UBE2O: variants seen among roughly 807,000 people sequenced by gnomAD.
The protein encoded by UBE2O is ubiquitin conjugating enzyme E2 O.
UBE2O carries 15 observed loss-of-function variants against 125.8 expected under a neutral mutation model. The observed-to-expected ratio is 0.12, with a 90% CI of 0.08 to 0.18. UBE2O has a LOEUF of 0.18. Among genes scored for constraint, UBE2O ranks in the 10% least tolerant of loss-of-function variants. The pLI is 1.00. For missense variants in UBE2O, 1,280 were observed against 1,723.6 expected, an observed-to-expected ratio of 0.74 and a Z score of 4.56; for synonymous variants, 708 against 703.2, an observed-to-expected ratio of 1.01 and a Z score of -0.11.
chr17:76,394,413 A>AG (rs923985221), intron 15 of UBE2O, among the ~76,000 whole-genome samples: 7 of 152,208 alleles, frequency 4.6e-5, no homozygotes, highest in African/African-American at 1.7e-4. Flanking sequence ...CAGAGACACT[A>AG]GGCCCCGTCC....
In UBE2O at chr17:76,396,288, G is replaced by A. The variant is rs148709308; in HGVS notation, c.2649C>T (p.Pro883=). 1,022 of 1,614,162 alleles carry A rather than the reference G, an allele frequency of 6.3e-4. No individual in the cohort carries two copies. Among genetic ancestry groups the A allele is most frequent in the Non-Finnish European group, 7.7e-4 (909 of 1,180,018 alleles). Residue 883 remains proline, a synonymous_variant, in exon 14 of 18, where the codon CCC becomes CCT. Transcript: ENST00000319380. This position sits in a 1 kb window ranked among gnomAD's most constrained non-coding sequence, Gnocchi z 6.7. The part of the protein sequence containing the change: ...IVEEEKMEAV[P]DVERKEDKPE... ...GCTTGTCCTCCTTGCGCTCTACGTCGGGCACTGCTTCCATCTTCTCCTCCT... is the reference window on the plus strand; with the variant it reads ...GCTTGTCCTCCTTGCGCTCTACGTCAGGCACTGCTTCCATCTTCTCCTCCT...
chr17:76,450,618 G>GTT (rs113426621), intron 1 of UBE2O, among the ~76,000 whole-genome samples: 8 of 148,448 alleles, frequency 5.4e-5, no homozygotes, highest in African/African-American at 1.7e-4. Flanking sequence ...CAAAGTTGTT[G>GTT]TTTTTTTTTT....
intron 1 of UBE2O, among the ~76,000 whole-genome samples, chr17:76,406,920 G>A (rs146323950): frequency 4.6e-5 from 7 of 152,058 alleles, no homozygotes; most frequent in African/African-American, 1.2e-4. Context: ...GGCTGGTCTC[G>A]AACTCCTGAC....
At chr17:76,420,660 T>C (rs1192396245) in intron 1 of UBE2O, among the ~76,000 whole-genome samples, 2 of 152,168 alleles carry the variant, frequency 1.3e-5, no homozygotes, top group African/African-American at 2.4e-5. Context: ...CTGCAGACAT[T>C]TCTTTTTCAC....
chr17:76,398,682 C>G lies in UBE2O; in HGVS notation c.1784-98G>C. On this transcript the variant is annotated intron_variant, in intron 10 of 17. Coordinates refer to ENST00000319380, the MANE Select transcript of UBE2O (RefSeq NM_022066.4). This position sits in a 1 kb window ranked among gnomAD's most constrained non-coding sequence, Gnocchi z 5.4. ...AGAGTGCAGAACCCTGACCTTCCCC[C>G]GTCTTGGAAGTGGTGAGACCCCTTC... 1 of 1,474,580 alleles carries G rather than the reference C, an allele frequency of 6.8e-7. No homozygotes were observed. 91.3% of individuals were successfully genotyped at this position (1,474,580 alleles called of 1,614,324 possible).
At chr17:76,392,403 C>A (rs1374592750) in intron 15 of UBE2O, among the ~76,000 whole-genome samples, 1 of 151,970 alleles carries the variant, frequency 6.6e-6, no homozygotes, top group African/African-American at 2.4e-5. Context: ...GTAGCCGGGA[C>A]TACAGTGTGG....
intron 1 of UBE2O, among the ~76,000 whole-genome samples, chr17:76,406,760 C>T (rs1242785838): frequency 1.6e-5 from 2 of 124,142 alleles, no homozygotes; most frequent in African/African-American, 3.2e-5. Flanking sequence ...AGTGCAATGG[C>T]GCAGTCTCGG....
chr17:76,398,529 G>C lies in UBE2O; in HGVS notation c.1839C>G (p.Ile613Met). ...ACCACTTCACCATGCAGGTACGGCCGATGTGGTCCCCAGACTGTACCACAC... is the reference window on the plus strand; with the variant it reads ...ACCACTTCACCATGCAGGTACGGCCCATGTGGTCCCCAGACTGTACCACAC... ...VYGVVQSGDH[I>M]GRTCMVKWFK... is the part of the protein sequence containing the mutation. The change falls in exon 11 of 18, where the codon ATC becomes ATG. Residue 613 changes from isoleucine (I) to methionine (M), a missense_variant. Physicochemically the swap from Ile to Met is conservative, Grantham distance 10. Transcript: ENST00000319380. The surrounding 1 kb of genome is among the most constrained non-coding windows in gnomAD (Gnocchi z 5.4). 3.1e-6 allele frequency: 5 copies of C among 1,614,046 alleles called. No homozygotes were observed. The highest frequency in any genetic ancestry group is 4.2e-6 in the Non-Finnish European group (5 of 1,180,010).
At position 76,446,488 on chromosome 17, in the gene UBE2O, CAG is replaced by C. The variant is rs1156580898; in HGVS notation, c.417+6235_417+6236del. ...AAAAAAAAAAACCAAACAAACAAAA[CAG>C]AGAGAAACAGGGATAAAAGTGAAGT... On this transcript the variant is annotated intron_variant, in intron 1 of 17. Coordinates refer to ENST00000319380, the MANE Select transcript of UBE2O (RefSeq NM_022066.4). 7.3e-5 allele frequency among the ~76,000 whole-genome samples: 11 copies of C among 151,620 alleles called. No homozygotes were observed. In the East Asian group the frequency reaches 1.4e-3, roughly 19 times the overall value.
Position 76,400,556 on chromosome 17 carries a change from G to T in UBE2O, c.895-6C>A, listed in dbSNP as rs777128823. The T allele has an allele frequency of 4.4e-6, 7 of 1,597,474 alleles. No individual in the cohort carries two copies. The highest frequency in any genetic ancestry group is 2.6e-6 in the Non-Finnish European group (3 of 1,168,052). ...TTCAACTCTACAACCTGCACCTGGG[G>T]ATGGCAGGTGGGACACGCCAGTCAG... On this transcript the variant is annotated splice_region_variant and splice_polypyrimidine_tract_variant and intron_variant, in intron 6 of 17. Transcript: ENST00000319380. The surrounding 1 kb of genome is among the most constrained non-coding windows in gnomAD (Gnocchi z 4.3).
intron 1 of UBE2O, among the ~76,000 whole-genome samples, chr17:76,406,365 C>A (rs2072418577): frequency 6.6e-6 from 1 of 152,140 alleles, no homozygotes; most frequent in Admixed American, 6.5e-5. Flanking sequence ...GGGTCATAAT[C>A]ATGGATGGGT....
Position 76,398,889 on chromosome 17 carries a change from G to T in UBE2O, c.1731C>A (p.His577Gln), listed in dbSNP as rs2072264425. The change falls in exon 10 of 18, where the codon CAC becomes CAA. Residue 577 changes from histidine (H) to glutamine (Q), a missense_variant. By Grantham distance (24) the His-to-Gln change is conservative (BLOSUM62 0). Coordinates refer to ENST00000319380, the MANE Select transcript of UBE2O (RefSeq NM_022066.4). This position sits in a 1 kb window ranked among gnomAD's most constrained non-coding sequence, Gnocchi z 5.4. ...GGCAGAACTCGTTGTTGTCCAGGTG[G>T]TGCACAGGGAAGAGGTCGTTGGAGC... ...NIRSNDLFPV[H>Q]HLDNNEFCPG... is the part of the protein sequence containing the mutation. 5 of 1,614,188 alleles carry T rather than the reference G, an allele frequency of 3.1e-6. No homozygotes were observed. The highest frequency in any genetic ancestry group is 2.5e-6 in the Non-Finnish European group (3 of 1,180,032).
In UBE2O at chr17:76,399,819, C is replaced by T. The variant is rs760866715; in HGVS notation, c.1258G>A (p.Glu420Lys). ...HSMEDPDKKG[E>K]SKTKSEAESA... ...TCCGCTTCGCTCTTGGTTTTGGATT[C>T]CCCCTTCTTGTCTGGGTCTTCCATG... The change falls in exon 9 of 18, where the codon GAA (glutamate) becomes AAA (lysine). Residue 420 changes from glutamate to lysine, a missense_variant. Transcript: ENST00000319380. The surrounding 1 kb of genome is among the most constrained non-coding windows in gnomAD (Gnocchi z 6.9). 13 of 1,614,210 alleles carry T rather than the reference C, an allele frequency of 8.1e-6. No homozygotes were observed. In the South Asian group the frequency reaches 1.3e-4, roughly 16 times the overall value.
In UBE2O at chr17:76,402,204, A is replaced by G. The variant is rs192135883; in HGVS notation, c.687-77T>C. 170 of 1,270,990 alleles carry G rather than the reference A, an allele frequency of 1.3e-4. No homozygotes were observed. In the African/African-American group the frequency reaches 1.7e-3, roughly 13 times the overall value. The allele number at this position is 1,270,990 out of a possible 1,614,324, so 78.7% of individuals were successfully genotyped here. A position where few individuals can be genotyped will look rare whatever the true frequency, so the allele number is the denominator to read the frequency against. On this transcript the variant is annotated intron_variant, in intron 4 of 17. Coordinates refer to ENST00000319380, the MANE Select transcript of UBE2O (RefSeq NM_022066.4). The surrounding 1 kb of genome is among the most constrained non-coding windows in gnomAD (Gnocchi z 5.4). The stretch of plus-strand genomic sequence containing the variant: ...AAAAAGTTGCGATTCTGAGATGCCA[A>G]TGCGCCCACATGCCCTAAATAGCAC...
In UBE2O at chr17:76,399,760, A is replaced by C; in HGVS notation, c.1317T>G (p.Ser439=). The change falls in exon 9 of 18, where the codon TCT becomes TCG. Residue 439 remains serine, a synonymous_variant. Transcript: ENST00000319380. The surrounding 1 kb of genome is among the most constrained non-coding windows in gnomAD (Gnocchi z 6.9). The part of the protein sequence containing the change: ...SASPEETPDG[S]ASPVEMQDEG... ...CGTCCTGCATCTCCACTGGACTGGC[A>C]GAGCCATCGGGCGTCTCCTCAGGGC... 1 of 1,614,180 alleles carries C rather than the reference A, an allele frequency of 6.2e-7. No individual in the cohort carries two copies. The highest frequency in any genetic ancestry group is 8.5e-7 in the Non-Finnish European group (1 of 1,180,026).
In UBE2O at chr17:76,430,696, G is replaced by T. The variant is rs547534219; in HGVS notation, c.417+22029C>A. 92 of 280,476 alleles carry T rather than the reference G, an allele frequency of 3.3e-4. 1 individual carries two copies. The highest frequency in any genetic ancestry group is 2.0e-3 in the African/African-American group (90 of 44,732). The allele number at this position is 280,476 out of a possible 1,614,324, so 17.4% of individuals were successfully genotyped here. ...AGTTTATTTACTGATTTCAGATTTGGGTTCCCCTTGTAATACATGGTTTCA... is the reference window on the plus strand; with the variant it reads ...AGTTTATTTACTGATTTCAGATTTGTGTTCCCCTTGTAATACATGGTTTCA... On this transcript the variant is annotated intron_variant, in intron 1 of 17. Transcript: ENST00000319380.
At chr17:76,392,236 A>T in intron 15 of UBE2O, 123 bp from the exon 16 acceptor site, 1 of 584,844 alleles carries the variant, frequency 1.7e-6, no homozygotes, top group Non-Finnish European at 2.8e-6. Context: ...CAGGAAGAGC[A>T]GCACCTGGGA....
intron 1 of UBE2O, among the ~76,000 whole-genome samples, chr17:76,441,804 G>A (rs2073078538): frequency 6.6e-6 from 1 of 152,208 alleles, no homozygotes; most frequent in South Asian, 2.1e-4. Context: ...GATAAACAGG[G>A]GTGGTTATAT....
chr17:76,441,235 C>G (rs1322980277), intron 1 of UBE2O, among the ~76,000 whole-genome samples: 1 of 152,224 alleles, frequency 6.6e-6, no homozygotes, highest in African/African-American at 2.4e-5. Flanking sequence ...CATTAAAATG[C>G]TGAATAATCA....
Sources: allele counts gnomAD v4.1 joint callset (sites outside exome capture counted in the v4.1 genomes callset), GRCh38; gene constraint gnomAD v4.1.1; non-coding constraint Gnocchi (gnomAD v3.1); transcripts MANE v1.5; gene names NCBI Gene and HGNC (gene_info 2026-07-23, HGNC 2026-07-21).